IGFL4: variants seen among roughly 807,000 people sequenced by gnomAD.
IGFL4 encodes the protein IGF like family member 4.
A neutral mutation model predicts 15.4 loss-of-function variants in IGFL4; 12 were observed. That is an observed-to-expected ratio of 0.78 (90% CI 0.50 to 1.26). The LOEUF is 1.26. Among genes scored for constraint, IGFL4 ranks in the 50% most tolerant of loss-of-function variants. The pLI, the probability that IGFL4 is intolerant of heterozygous loss-of-function variation, is 0.00. For missense variants in IGFL4, 126 were observed against 147.8 expected (o/e 0.85, Z 0.76); for synonymous variants, 54 against 55.9 (o/e 0.97, Z 0.16).
Position 46,065,704 on chromosome 19 carries a change from G to A in IGFL4, c.-431-5411C>T, listed in dbSNP as rs148632482. On this transcript the variant is annotated intron_variant, in intron 1 of 5. Transcript: ENST00000601672. The stretch of plus-strand genomic sequence containing the variant: ...GAAAGAATGAGTCAGATTCCAATCC[G>A]GGCCTTAGCCCCAGGATATTGTCCA... 1.1e-3 allele frequency among the ~76,000 whole-genome samples: 161 copies of A among 152,332 alleles called. 1 individual carries two copies. Among genetic ancestry groups the A allele is most frequent in the African/African-American group, 3.6e-3 (150 of 41,576 alleles).
chr19:46,061,822 C>T (rs1387368208), intron 1 of IGFL4, among the ~76,000 whole-genome samples: 1 of 152,032 alleles, frequency 6.6e-6, no homozygotes, highest in Non-Finnish European at 1.5e-5. Context: ...TTTTCTGTTC[C>T]AAGAAAAAGC....
intron 2 of IGFL4, among the ~76,000 whole-genome samples, chr19:46,052,920 G>T (rs1364056564): frequency 7.2e-6 from 1 of 139,248 alleles, no homozygotes; most frequent in Non-Finnish European, 1.5e-5. Flanking sequence ...AACATCCCAG[G>T]GCTCGAAGTA....
At chr19:46,060,919 C>G (rs1333231823) in intron 1 of IGFL4, among the ~76,000 whole-genome samples, 1 of 152,166 alleles carries the variant, frequency 6.6e-6, no homozygotes, top group Non-Finnish European at 1.5e-5. Context: ...TAACCTTAAT[C>G]AGTTTGACCA....
chr19:46,070,212 C>T (rs553497293), intron 1 of IGFL4, among the ~76,000 whole-genome samples: 2 of 151,484 alleles, frequency 1.3e-5, no homozygotes, highest in South Asian at 2.1e-4. Context: ...TTCACATCCA[C>T]GGGACAAAAA....
intron 2 of IGFL4, among the ~76,000 whole-genome samples, chr19:46,055,013 G>T (rs909467096): frequency 6.6e-6 from 1 of 152,082 alleles, no homozygotes; most frequent in African/African-American, 2.4e-5. Context: ...GGACATCTTT[G>T]GTGTCTTGGT....
chr19:46,066,015 A>G (rs1278145785), intron 1 of IGFL4, among the ~76,000 whole-genome samples: 1 of 152,212 alleles, frequency 6.6e-6, no homozygotes, highest in Non-Finnish European at 1.5e-5. Flanking sequence ...AGCCCCTGAG[A>G]GACCCTTAAG....
Position 46,040,351 on chromosome 19 carries a change from G to T in IGFL4, c.136C>A (p.Gln46Lys). The T allele has an allele frequency of 6.2e-7, 1 of 1,614,200 alleles. No homozygotes were observed. The highest frequency in any genetic ancestry group is 8.5e-7 in the Non-Finnish European group (1 of 1,180,026). ...CGEWTYNPLE[Q>K]CCDDGVILDL... ...AGGATGACACCGTCATCACAGCACT[G>T]CTCCAAGGGGTTGTAGGTCCACTCC... The change falls in exon 3 of 4, where the codon CAG (glutamine) becomes AAG (lysine). Residue 46 changes from glutamine to lysine, a missense_variant. Coordinates refer to ENST00000377697, the MANE Select transcript of IGFL4 (RefSeq NM_001002923.3). The surrounding 1 kb of genome is among the most constrained non-coding windows in gnomAD (Gnocchi z 4.1).
chr19:46,057,720 T>G (rs1969406077), intron 2 of IGFL4: 1 of 152,184 alleles, frequency 6.6e-6, no homozygotes, highest in South Asian at 2.1e-4. Context: ...TTCACCTGGT[T>G]GAGGAGGCCT....
upstream of IGFL4, among the ~76,000 whole-genome samples, chr19:46,041,922 T>C (rs1053784374): frequency 4.6e-5 from 7 of 150,912 alleles, no homozygotes; most frequent in Admixed American, 1.3e-4. Context: ...CACTGTAACC[T>C]TTGCCCCCCA....
chr19:46,046,283 T>G (rs1350837530), intron 2 of IGFL4, among the ~76,000 whole-genome samples: 2 of 152,094 alleles, frequency 1.3e-5, no homozygotes, highest in African/African-American at 4.8e-5. Context: ...AGGGAAAACC[T>G]TTACCAGCCA....
intron 1 of IGFL4, among the ~76,000 whole-genome samples, chr19:46,062,486 A>G (rs1446823244): frequency 6.6e-6 from 1 of 152,200 alleles, no homozygotes; most frequent in African/African-American, 2.4e-5. Context: ...TAAGTGCTCA[A>G]GATAGTTTTT....
At chr19:46,046,067 T>C (rs756120958) in intron 2 of IGFL4, among the ~76,000 whole-genome samples, 14 of 152,188 alleles carry the variant, frequency 9.2e-5, no homozygotes, top group Non-Finnish European at 2.9e-5. Context: ...AGCGGACCTC[T>C]CAGTGGAAAT....
intron 1 of IGFL4, among the ~76,000 whole-genome samples, chr19:46,063,710 A>C (rs1459770670): frequency 6.6e-6 from 1 of 152,210 alleles, no homozygotes; most frequent in Non-Finnish European, 1.5e-5. Flanking sequence ...TCAATTAAAT[A>C]AGATGGGTCA....
At chr19:46,055,756 A>G (rs1246141182) in intron 2 of IGFL4, among the ~76,000 whole-genome samples, 1 of 152,096 alleles carries the variant, frequency 6.6e-6, no homozygotes, top group Non-Finnish European at 1.5e-5. Context: ...TTTGACAGCA[A>G]AAAGTTTTGT....
At position 46,040,900 on chromosome 19, in the gene IGFL4, A is replaced by G. The variant is rs1969235728; in HGVS notation, c.19+44T>C. Reference sequence around the variant, plus strand: ...AAGTTCAGAAATAATTAGGGATGTGATATCATTAGGGATTAGCTTAGCCTA... The same window carrying G: ...AAGTTCAGAAATAATTAGGGATGTGGTATCATTAGGGATTAGCTTAGCCTA... On this transcript the variant is annotated intron_variant, in intron 1 of 3. Coordinates refer to ENST00000377697, the MANE Select transcript of IGFL4 (RefSeq NM_001002923.3). This position sits in a 1 kb window ranked among gnomAD's most constrained non-coding sequence, Gnocchi z 4.1. 2.6e-6 allele frequency: 4 copies of G among 1,537,416 alleles called. No individual in the cohort carries two copies. In the South Asian group the frequency reaches 3.5e-5, roughly 14 times the overall value.
chr19:46,051,029 C>T (rs141404688), intron 2 of IGFL4, among the ~76,000 whole-genome samples: 3 of 152,324 alleles, frequency 2.0e-5, no homozygotes, highest in South Asian at 2.1e-4. Flanking sequence ...TCTCCTTAAA[C>T]AACGCAATTA....
Position 46,040,970 on chromosome 19 carries a change from GC to G in IGFL4, c.-9del. On this transcript the variant is annotated 5_prime_UTR_variant, in exon 1 of 4. Coordinates refer to ENST00000377697, the MANE Select transcript of IGFL4 (RefSeq NM_001002923.3). The surrounding 1 kb of genome is among the most constrained non-coding windows in gnomAD (Gnocchi z 4.1). ...AGAAATTCTGGGCACCATGGGTTAG[GC>G]TTCAGAGCAGCGGACGAGGGAGCAG... 6.3e-7 allele frequency: 1 copy of G among 1,586,526 alleles called. No homozygotes were observed. Among genetic ancestry groups the G allele is most frequent in the Middle Eastern group, 1.7e-4 (1 of 6,004 alleles).
At chr19:46,041,320 G>A (rs902534247), upstream of IGFL4, among the ~76,000 whole-genome samples, 6 of 152,112 alleles carry the variant, frequency 3.9e-5, no homozygotes, top group African/African-American at 1.4e-4. Flanking sequence ...GCTTATCTAA[G>A]ATCAAATTAC....
At chr19:46,073,981 T>TA (rs1969570892) in intron 1 of IGFL4, among the ~76,000 whole-genome samples, 2 of 152,276 alleles carry the variant, frequency 1.3e-5, no homozygotes, top group South Asian at 4.2e-4. Context: ...AAAATCAACA[T>TA]TTCTTTCCTT....
Sources: allele counts gnomAD v4.1 joint callset (sites outside exome capture counted in the v4.1 genomes callset), GRCh38; gene constraint gnomAD v4.1.1; non-coding constraint Gnocchi (gnomAD v3.1); transcripts MANE v1.5; gene names NCBI Gene and HGNC (gene_info 2026-07-23, HGNC 2026-07-21).